SCAF8: variants seen among roughly 807,000 people sequenced by gnomAD.
SCAF8 encodes SR-related and CTD-associated factor 8.
SCAF8 carries 23 observed loss-of-function variants against 140.5 expected under a neutral mutation model. The ratio of observed to expected loss-of-function variants is 0.16; its 90% confidence interval spans 0.12 to 0.23. The LOEUF is 0.23. SCAF8 is among the 10% of genes least tolerant of loss of function. The pLI, the probability that SCAF8 is intolerant of heterozygous loss-of-function variation, is 1.00. For synonymous variants in SCAF8, 575 were observed against 528.9 expected, an observed-to-expected ratio of 1.09 and a Z score of -1.20; for missense variants, 1,397 against 1,555.7, an observed-to-expected ratio of 0.90 and a Z score of 1.72.
Position 154,809,125 on chromosome 6 carries a change from C to T in SCAF8, c.1226+327C>T, listed in dbSNP as rs146614263. On this transcript the variant is annotated intron_variant, in intron 11 of 19. Transcript: ENST00000367178. ...CAACAGTTAAGTCAGGCCATATTTCCTGGATTCCACTCATCTCACAGTGAT... is the reference window on the plus strand; with the variant it reads ...CAACAGTTAAGTCAGGCCATATTTCTTGGATTCCACTCATCTCACAGTGAT... Among the ~76,000 whole-genome samples the T allele has an allele frequency of 1.3e-4, 20 of 152,216 alleles. No individual in the cohort carries two copies. In the East Asian group the frequency reaches 3.5e-3, roughly 26 times the overall value.
chr6:154,765,729 A>G (rs1276943941), intron 1 of SCAF8, among the ~76,000 whole-genome samples: 1 of 152,198 alleles, frequency 6.6e-6, no homozygotes, highest in Non-Finnish European at 1.5e-5. Context: ...AAATGACACT[A>G]TTGTAGGGGA....
intron 1 of SCAF8, among the ~76,000 whole-genome samples, chr6:154,735,134 AAAAAG>A (rs1778380243): frequency 6.6e-6 from 1 of 151,910 alleles, no homozygotes; most frequent in Non-Finnish European, 1.5e-5. Context: ...CAAAAAAAAA[AAAAAG>A]AAAAAGAAAA....
chr6:154,814,298 A>G (rs1447247044), intron 12 of SCAF8, among the ~76,000 whole-genome samples: 3 of 152,372 alleles, frequency 2.0e-5, no homozygotes, highest in Admixed American at 2.0e-4. Context: ...AGCCTGGGCA[A>G]CAGAGTGAGA....
intron 1 of SCAF8, among the ~76,000 whole-genome samples, chr6:154,752,784 C>T (rs1778869836): frequency 6.6e-6 from 1 of 152,120 alleles, no homozygotes; most frequent in South Asian, 2.1e-4. Context: ...CGCAGTGGTG[C>T]AGTCATGTCT....
chr6:154,747,643 T>C (rs950247193), intron 1 of SCAF8, among the ~76,000 whole-genome samples: 1 of 152,172 alleles, frequency 6.6e-6, no homozygotes, highest in Non-Finnish European at 1.5e-5. Flanking sequence ...GATTAATAAC[T>C]TGCTACTTGT....
At chr6:154,819,159 T>C (rs977689488) in intron 14 of SCAF8, among the ~76,000 whole-genome samples, 47 of 152,208 alleles carry the variant, frequency 3.1e-4, no homozygotes, top group Non-Finnish European at 1.2e-4. Context: ...ATTTATCTTA[T>C]CAGTTTCTGC....
At chr6:154,744,028 C>G (rs920528710) in intron 1 of SCAF8, among the ~76,000 whole-genome samples, 18 of 152,214 alleles carry the variant, frequency 1.2e-4, no homozygotes, top group African/African-American at 3.9e-4. Context: ...GGCACGGTGG[C>G]TCACGCCTGT....
chr6:154,822,457 C>A (rs780089556), intron 16 of SCAF8, 48 bp downstream of exon 16: 1 of 1,545,290 alleles, frequency 6.5e-7, no homozygotes, highest in Non-Finnish European at 8.7e-7. Context: ...TTTTACATTT[C>A]TGTTTTTAAT....
At chr6:154,750,296 AT>A (rs1252913406) in intron 1 of SCAF8, among the ~76,000 whole-genome samples, 1 of 152,186 alleles carries the variant, frequency 6.6e-6, no homozygotes, top group African/African-American at 2.4e-5. Context: ...CAAGGTGGAG[AT>A]ACCTAACTAA....
rs570342152 is a variant in SCAF8 at position 154,769,901 on chromosome 6, A to G, written c.31-4088A>G. 5.8e-4 allele frequency among the ~76,000 whole-genome samples: 89 copies of G among 152,352 alleles called. 1 individual carries two copies. Among genetic ancestry groups the G allele is most frequent in the African/African-American group, 2.1e-3 (88 of 41,586 alleles). On this transcript the variant is annotated intron_variant, in intron 1 of 19. Coordinates refer to ENST00000367178, the MANE Select transcript of SCAF8 (RefSeq NM_014892.5). ...CTGTTCTTAGACCTTATTCTCCAGTACGAGAGGACAGGAATGGATTTCAAA... is the reference window on the plus strand; with the variant it reads ...CTGTTCTTAGACCTTATTCTCCAGTGCGAGAGGACAGGAATGGATTTCAAA...
intron 18 of SCAF8, among the ~76,000 whole-genome samples, chr6:154,830,149 C>G (rs1778689659): frequency 6.6e-6 from 1 of 152,140 alleles, no homozygotes; most frequent in Admixed American, 6.5e-5. Context: ...ATTGCCTTTG[C>G]TGTCTCATTT....
intron 6 of SCAF8, among the ~76,000 whole-genome samples, chr6:154,799,586 T>C (rs1187673562): frequency 6.6e-6 from 1 of 151,260 alleles, no homozygotes; most frequent in African/African-American, 2.4e-5. Context: ...TTGCTTTGCT[T>C]TCTCACCTCT....
At chr6:154,827,995 A>G (rs1006446403) in intron 18 of SCAF8, among the ~76,000 whole-genome samples, 2 of 152,160 alleles carry the variant, frequency 1.3e-5, no homozygotes, top group Admixed American at 6.5e-5. Flanking sequence ...GTATATTACA[A>G]TTAGCCAGCC....
intron 1 of SCAF8, among the ~76,000 whole-genome samples, chr6:154,736,352 C>G (rs1778420749): frequency 6.9e-6 from 1 of 145,328 alleles, no homozygotes; most frequent in Admixed American, 7.2e-5. Context: ...CTCAATGCAA[C>G]CTCCACCTCC....
At chr6:154,753,507 C>T (rs1213862877) in intron 1 of SCAF8, among the ~76,000 whole-genome samples, 1 of 151,538 alleles carries the variant, frequency 6.6e-6, no homozygotes, top group African/African-American at 2.4e-5. Flanking sequence ...GACATAGTGG[C>T]GGGCGCCTGT....
chr6:154,733,842 C>T lies in SCAF8; in HGVS notation c.-59C>T. ...AGCAGCCCGCGTCTCGCTCTCCCCA[C>T]CCAGTGCAGTGGCCGCCGCCTCTTC... On this transcript the variant is annotated 5_prime_UTR_variant, in exon 1 of 20. Transcript: ENST00000367178. 3 of 1,536,396 alleles carry T rather than the reference C, an allele frequency of 2.0e-6. No individual in the cohort carries two copies. Among genetic ancestry groups the T allele is most frequent in the South Asian group, 1.2e-5 (1 of 82,358 alleles).
chr6:154,830,964 A>C lies in SCAF8; in HGVS notation c.2183A>C (p.Lys728Thr). Residue 728 changes from lysine (K) to threonine (T), a missense_variant, in exon 19 of 20, where the codon AAA (lysine) becomes ACA (threonine). Coordinates refer to ENST00000367178, the MANE Select transcript of SCAF8 (RefSeq NM_014892.5). ...PSLSMTPETV[K>T]DVGFGSLVIP... ...TTATCCATGACACCGGAAACTGTGAAAGATGTTGGATTTGGTAGCCTTGTT... is the reference window on the plus strand; with the variant it reads ...TTATCCATGACACCGGAAACTGTGACAGATGTTGGATTTGGTAGCCTTGTT... The C allele has an allele frequency of 6.2e-7, 1 of 1,614,110 alleles. No homozygotes were observed. Among genetic ancestry groups the C allele is most frequent in the Admixed American group, 1.7e-5 (1 of 60,012 alleles).
chr6:154,827,421 T>C (rs968128814), intron 18 of SCAF8, among the ~76,000 whole-genome samples, 181 bp downstream of exon 18: 13 of 152,230 alleles, frequency 8.5e-5, no homozygotes, highest in Admixed American at 3.3e-4. Flanking sequence ...TTGGTTGTCT[T>C]AAACTCTTAT....
intron 5 of SCAF8, among the ~76,000 whole-genome samples, chr6:154,793,839 AT>A (rs1554261613): frequency 1.6e-4 from 23 of 142,582 alleles, no homozygotes; most frequent in East Asian, 5.9e-4. Flanking sequence ...AAAAAAAAAA[AT>A]TTTTTTAAAT....
Sources: gnomAD v4.1 joint callset for allele counts (sites outside exome capture counted in the v4.1 genomes callset) on GRCh38, gnomAD v4.1.1 for gene constraint, MANE v1.5 for transcripts, NCBI Gene and HGNC (gene_info 2026-07-23, HGNC 2026-07-21) for gene names.